The following GNG2 variants were observed in gnomAD, a reference collection of about 807,000 sequenced individuals.
The protein encoded by GNG2 is G protein subunit gamma 2, also known as guanine nucleotide-binding protein G(I)/G(S)/G(O) subunit gamma-2.
Under a neutral mutation model 5.5 loss-of-function variants are expected in GNG2, and 5 were observed. That is an observed-to-expected ratio of 0.91 (90% confidence interval 0.48 to 1.92). GNG2 has a LOEUF of 1.92. Ranked by LOEUF, GNG2 falls within the 30% of genes most tolerant of loss-of-function variation. The probability of loss-of-function intolerance (pLI) is 0.01; values close to 1 mark genes in which losing one functional copy is unlikely to be tolerated. For missense variants in GNG2, 55 were observed against 88.4 expected, an observed-to-expected ratio of 0.62 and a Z score of 1.52; for synonymous variants, 28 against 32.0, an observed-to-expected ratio of 0.88 and a Z score of 0.42.
chr14:51,890,638 A>G (rs1884784428), intron 2 of GNG2, among the ~76,000 whole-genome samples: 1 of 152,228 alleles, frequency 6.6e-6, no homozygotes, highest in Non-Finnish European at 1.5e-5. Flanking sequence ...CTGGAAGAAT[A>G]TGGCTCTCAG....
Position 51,900,017 on chromosome 14 carries a change from G to A in GNG2, c.-30+22360G>A, listed in dbSNP as rs1043934607. On this transcript the variant is annotated intron_variant, in intron 2 of 3. Coordinates refer to ENST00000556766, the MANE Select transcript of GNG2 (RefSeq NM_053064.5). ...AAGACCCTGATTTTAATTCTTTCAT[G>A]TATATACTCAGAAATGAAATTGTTG... 2.6e-5 allele frequency among the ~76,000 whole-genome samples: 4 copies of A among 152,188 alleles called. No homozygotes were observed. The South Asian group carries it at 8.3e-4, about 32-fold the overall frequency.
intron 2 of GNG2, among the ~76,000 whole-genome samples, chr14:51,934,390 T>C (rs1038797162): frequency 2.6e-5 from 4 of 152,148 alleles, no homozygotes; most frequent in Admixed American, 6.5e-5. Flanking sequence ...GTACATTTCA[T>C]TTTGGAATAT....
At chr14:51,850,655 C>T (rs1268603392) in intron 2 of GNG2, among the ~76,000 whole-genome samples, 1 of 152,186 alleles carries the variant, frequency 6.6e-6, no homozygotes, top group Admixed American at 6.5e-5. Context: ...GTTTAATTGG[C>T]TCTCCATTCT....
At chr14:51,907,267 C>G (rs1044971113) in intron 2 of GNG2, among the ~76,000 whole-genome samples, 3 of 152,206 alleles carry the variant, frequency 2.0e-5, no homozygotes, top group African/African-American at 7.2e-5. Context: ...TTGTGAAGTG[C>G]TGATTCATTC....
intron 2 of GNG2, among the ~76,000 whole-genome samples, chr14:51,925,697 C>T (rs192000514): frequency 1.3e-3 from 195 of 152,246 alleles, no homozygotes; most frequent in Admixed American, 2.9e-3. Flanking sequence ...CTGCAACCTC[C>T]GCCTCCCAGG....
intron 2 of GNG2, among the ~76,000 whole-genome samples, chr14:51,880,137 A>G (rs932276065): frequency 1.3e-5 from 2 of 152,170 alleles, no homozygotes; most frequent in Non-Finnish European, 2.9e-5. Flanking sequence ...TTGAAGTCCA[A>G]TGGCTCCTTT....
At chr14:51,962,142 C>T (rs997345094) in intron 3 of GNG2, among the ~76,000 whole-genome samples, 1 of 151,966 alleles carries the variant, frequency 6.6e-6, no homozygotes, top group Non-Finnish European at 1.5e-5. Flanking sequence ...TTTTAAATTA[C>T]AAAAGAAACT....
chr14:51,940,869 C>T (rs970342811), intron 2 of GNG2, among the ~76,000 whole-genome samples: 2 of 152,130 alleles, frequency 1.3e-5, no homozygotes, highest in East Asian at 3.9e-4. Flanking sequence ...CCTGGCAGGC[C>T]GATATTTTGC....
chr14:51,955,475 A>G (rs377553055), intron 3 of GNG2, among the ~76,000 whole-genome samples: 57 of 152,328 alleles, frequency 3.7e-4, no homozygotes, highest in African/African-American at 1.3e-3. Context: ...TTCAAAGACC[A>G]TGTTGTCTAC....
chr14:51,912,612 C>T (rs925633708), intron 2 of GNG2, among the ~76,000 whole-genome samples: 2 of 152,084 alleles, frequency 1.3e-5, no homozygotes, highest in African/African-American at 4.8e-5. Context: ...CCAGAAGTGC[C>T]CAGGGGTAAA....
intron 3 of GNG2, among the ~76,000 whole-genome samples, chr14:51,964,369 C>A (rs955350072): frequency 6.6e-6 from 1 of 152,156 alleles, no homozygotes; most frequent in East Asian, 1.9e-4. Context: ...TTCAAGACAG[C>A]CAGAGGAAAC....
chr14:51,858,885 C>T (rs1882287405), upstream of GNG2, among the ~76,000 whole-genome samples: 1 of 152,172 alleles, frequency 6.6e-6, no homozygotes, highest in African/African-American at 2.4e-5. Flanking sequence ...AGTGAGTTGA[C>T]ATCAGGGTCC....
intron 2 of GNG2, among the ~76,000 whole-genome samples, chr14:51,884,394 G>A (rs1427653791): frequency 6.6e-6 from 1 of 152,100 alleles, no homozygotes; most frequent in Non-Finnish European, 1.5e-5. Context: ...AGTCATCTGG[G>A]GTATATTATC....
At chr14:51,886,520 T>C (rs1490165011) in intron 2 of GNG2, among the ~76,000 whole-genome samples, 1 of 152,158 alleles carries the variant, frequency 6.6e-6, no homozygotes, top group Non-Finnish European at 1.5e-5. Context: ...ATCCTCAAAC[T>C]GGTTAATTTC....
At chr14:51,951,499 C>T (rs908355544) in intron 3 of GNG2, among the ~76,000 whole-genome samples, 40 of 152,162 alleles carry the variant, frequency 2.6e-4, no homozygotes, top group Admixed American at 2.0e-3. Flanking sequence ...TTCTGTTAAC[C>T]ATCAAAACTT....
intron 2 of GNG2, among the ~76,000 whole-genome samples, chr14:51,841,042 A>G (rs1197908949): frequency 6.6e-6 from 1 of 152,192 alleles, no homozygotes; most frequent in East Asian, 1.9e-4. Context: ...ACAAATGCAT[A>G]ATATGAAACC....
At chr14:51,884,924 G>A (rs1257851666) in intron 2 of GNG2, among the ~76,000 whole-genome samples, 1 of 152,152 alleles carries the variant, frequency 6.6e-6, no homozygotes, top group Non-Finnish European at 1.5e-5. Context: ...TTTCCAACTC[G>A]AGTTGAGAGG....
At chr14:51,849,508 G>A (rs1207758748) in intron 2 of GNG2, among the ~76,000 whole-genome samples, 3 of 152,206 alleles carry the variant, frequency 2.0e-5, no homozygotes, top group African/African-American at 7.2e-5. Context: ...AAAAGGGTGA[G>A]GGAGGAGATG....
chr14:51,868,546 C>T (rs1166202425), intron 1 of GNG2, among the ~76,000 whole-genome samples: 1 of 152,126 alleles, frequency 6.6e-6, no homozygotes, highest in Non-Finnish European at 1.5e-5. Flanking sequence ...GAAGGCCTCT[C>T]TGAAGAGGTG....
Sources: gnomAD v4.1 joint callset for allele counts (sites outside exome capture counted in the v4.1 genomes callset) on GRCh38, gnomAD v4.1.1 for gene constraint, MANE v1.5 for transcripts, NCBI Gene and HGNC (gene_info 2026-07-23, HGNC 2026-07-21) for gene names.